KDM7A: variants seen among roughly 807,000 people sequenced by gnomAD.
The protein encoded by KDM7A is lysine-specific demethylase 7A.
KDM7A carries 28 observed loss-of-function variants against 114.8 expected under a neutral mutation model. That is an observed-to-expected ratio of 0.24 (90% confidence interval 0.18 to 0.33). The LOEUF is 0.33. KDM7A is among the 10% of genes least tolerant of loss of function. The pLI, the probability that KDM7A is intolerant of heterozygous loss-of-function variation, is 1.00. For missense variants in KDM7A, 942 were observed against 1,142.5 expected, an observed-to-expected ratio of 0.82 and a Z score of 2.53; for synonymous variants, 423 against 397.8, an observed-to-expected ratio of 1.06 and a Z score of -0.75.
chr7:140,136,741 C>T (rs1162938834), intron 2 of KDM7A, among the ~76,000 whole-genome samples: 7 of 152,200 alleles, frequency 4.6e-5, no homozygotes, highest in African/African-American at 7.2e-5. Flanking sequence ...AGGCCAGGCG[C>T]AGTGGCTCAC....
intron 11 of KDM7A, among the ~76,000 whole-genome samples, chr7:140,103,851 G>A (rs1054124281): frequency 6.6e-6 from 1 of 152,144 alleles, no homozygotes; most frequent in African/African-American, 2.4e-5. Context: ...GGGTCAAATG[G>A]TATTTCTAGT....
At chr7:140,105,499 G>T (rs934224679) in intron 11 of KDM7A, among the ~76,000 whole-genome samples, 1 of 152,128 alleles carries the variant, frequency 6.6e-6, no homozygotes, top group African/African-American at 2.4e-5. Context: ...TAGCATGAAG[G>T]GCTGCTGAAT....
chr7:140,106,501 G>GAAT (rs1818339806), intron 11 of KDM7A, among the ~76,000 whole-genome samples: 1 of 152,022 alleles, frequency 6.6e-6, no homozygotes, highest in Non-Finnish European at 1.5e-5. Flanking sequence ...TGTTCTCATT[G>GAAT]GTTTCAAAGA....
chr7:140,103,306 CTTTTT>C (rs35185351), intron 11 of KDM7A, among the ~76,000 whole-genome samples: 4 of 148,308 alleles, frequency 2.7e-5, no homozygotes, highest in South Asian at 4.3e-4. Flanking sequence ...TCAGCATTTC[CTTTTT>C]TTTTTTATTT....
intron 9 of KDM7A, 145 bp downstream of exon 9, chr7:140,118,968 T>C: frequency 1.9e-6 from 1 of 525,894 alleles, no homozygotes. Context: ...GGTTGCTGGA[T>C]GGGGGAAAAC....
intron 1 of KDM7A, among the ~76,000 whole-genome samples, chr7:140,174,756 A>T (rs1396315364): frequency 6.6e-6 from 1 of 151,946 alleles, no homozygotes; most frequent in East Asian, 1.9e-4. Flanking sequence ...ATGCACCACC[A>T]CGCCCAGCTA....
At chr7:140,175,616 G>T (rs1585174337) in intron 1 of KDM7A, among the ~76,000 whole-genome samples, 1 of 152,324 alleles carries the variant, frequency 6.6e-6, no homozygotes, top group South Asian at 2.1e-4. Context: ...CTCCCACGCC[G>T]GAGTCAAGAG....
intron 1 of KDM7A, among the ~76,000 whole-genome samples, chr7:140,173,961 C>T (rs974736027): frequency 1.3e-4 from 20 of 151,834 alleles, no homozygotes; most frequent in African/African-American, 4.4e-4. Context: ...GTCAAGAGTT[C>T]GAAACCAGTG....
intron 2 of KDM7A, among the ~76,000 whole-genome samples, chr7:140,136,599 A>T (rs1818873878): frequency 6.6e-6 from 1 of 152,208 alleles, no homozygotes; most frequent in South Asian, 2.1e-4. Flanking sequence ...CTTAATTCCC[A>T]GTAAGAGGGT....
chr7:140,136,922 G>C (rs1398495716), intron 2 of KDM7A, among the ~76,000 whole-genome samples: 1 of 152,104 alleles, frequency 6.6e-6, no homozygotes, highest in Non-Finnish European at 1.5e-5. Context: ...GTGAGGCGGA[G>C]GTTGCAGTGA....
intron 9 of KDM7A, among the ~76,000 whole-genome samples, chr7:140,116,487 A>C (rs1160433504): frequency 1.3e-5 from 2 of 152,192 alleles, no homozygotes; most frequent in Non-Finnish European, 2.9e-5. Flanking sequence ...GTATTAACAC[A>C]AAGGTCAGGA....
At chr7:140,159,427 T>C (rs1245438224) in intron 1 of KDM7A, among the ~76,000 whole-genome samples, 1 of 151,802 alleles carries the variant, frequency 6.6e-6, no homozygotes, top group African/African-American at 2.4e-5. Flanking sequence ...AATGGTGAGG[T>C]AGGGATACAA....
At chr7:140,113,952 T>A (rs1818472419) in intron 9 of KDM7A, among the ~76,000 whole-genome samples, 1 of 152,148 alleles carries the variant, frequency 6.6e-6, no homozygotes, top group Non-Finnish European at 1.5e-5. Flanking sequence ...GGCCAGATTT[T>A]AAAATAAGTT....
Position 140,096,899 on chromosome 7 carries a change from C to T in KDM7A, c.2165G>A (p.Arg722Lys). The T allele has an allele frequency of 1.2e-6, 2 of 1,613,586 alleles. No individual in the cohort carries two copies. The highest frequency in any genetic ancestry group is 1.7e-6 in the Non-Finnish European group (2 of 1,179,714). Residue 722 changes from arginine (R) to lysine (K), a missense_variant and splice_region_variant, in exon 16 of 20, where the codon AGG (arginine) becomes AAG (lysine). Around this residue, in one of 4 missense-constraint regions of KDM7A, gnomAD observed 512 missense variants for 576.6 expected, o/e 0.89. Transcript: ENST00000397560. ...KPSRSEIPIKRECPTSTSTEE... is the reference protein window; with the variant it reads ...KPSRSEIPIKKECPTSTSTEE... ...GACTTACTACTATCAGCAAGCCTAC[C>T]TTTTAATTGGAATTTCACTTCTAGA...
At chr7:140,166,780 A>C (rs1420915144) in intron 1 of KDM7A, among the ~76,000 whole-genome samples, 1 of 152,230 alleles carries the variant, frequency 6.6e-6, no homozygotes, top group Non-Finnish European at 1.5e-5. Flanking sequence ...GAGAGGTATA[A>C]GCCTGTGCAA....
rs562031228 is a variant in KDM7A, at chr7:140,106,769, T to G, written c.1428+4326A>C. 4.3e-3 allele frequency among the ~76,000 whole-genome samples: 657 copies of G among 152,328 alleles called. 8 individuals are homozygous for G. Among genetic ancestry groups the G allele is most frequent in the African/African-American group, 0.014 (598 of 41,558 alleles). On this transcript the variant is annotated intron_variant, in intron 11 of 19. Transcript: ENST00000397560. ...TGAGAAGAATGTACATTCTCTTGAT[T>G]TGGGGTGGAGAGTTCTGTAGATGTC...
chr7:140,137,969 A>C (rs995983233), intron 2 of KDM7A, among the ~76,000 whole-genome samples: 1 of 152,152 alleles, frequency 6.6e-6, no homozygotes, highest in African/African-American at 2.4e-5. Context: ...GACAAAGCCT[A>C]TAATTTTCCC....
intron 11 of KDM7A, among the ~76,000 whole-genome samples, chr7:140,108,575 C>T (rs1270158861): frequency 2.0e-5 from 3 of 152,144 alleles, no homozygotes; most frequent in African/African-American, 4.8e-5. Flanking sequence ...GTATCACCAG[C>T]GGAGGCTGCA....
At position 140,086,293 on chromosome 7, in the gene KDM7A, T is replaced by C. The variant is rs1014292851; in HGVS notation, c.*4801A>G. 1 of 152,158 alleles carries C rather than the reference T, an allele frequency of 6.6e-6. No individual in the cohort carries two copies. The highest frequency in any genetic ancestry group is 1.5e-5 in the Non-Finnish European group (1 of 68,030). 9.4% of individuals were successfully genotyped at this position (152,158 alleles called of 1,614,324 possible). On this transcript the variant is annotated 3_prime_UTR_variant, in exon 20 of 20. Transcript: ENST00000397560. ...TTAACAACAAAATGTAATGTTATAC[T>C]TGTTAAGACAAAGTCTTAAGACACT...
Sources: allele counts gnomAD v4.1 joint callset (sites outside exome capture counted in the v4.1 genomes callset), GRCh38; gene constraint gnomAD v4.1.1; regional missense constraint gnomAD v4.1.1; transcripts MANE v1.5; gene names NCBI Gene and HGNC (gene_info 2026-07-23, HGNC 2026-07-21).